Variants in CFDP1 observed in about 807,000 individuals in gnomAD.
CFDP1 encodes the protein heterochromatin-stabilizing protein CFDP1.
In CFDP1, 31 loss-of-function variants were observed where a neutral mutation model predicts 40.1. That is an observed-to-expected ratio of 0.77 (90% CI 0.58 to 1.04). CFDP1 has a LOEUF of 1.04. Among genes scored for constraint, CFDP1 ranks in the 50% least tolerant of loss-of-function variants. CFDP1 has a pLI of 0.00. For missense variants in CFDP1, 423 were observed against 343.4 expected, an observed-to-expected ratio of 1.23 and a Z score of -1.83; for synonymous variants, 167 against 120.0, an observed-to-expected ratio of 1.39 and a Z score of -2.56.
At chr16:75,305,482 C>T (rs1375822317) in intron 5 of CFDP1, 16 of 301,682 alleles carry the variant, frequency 5.3e-5, no homozygotes, top group Non-Finnish European at 1.0e-4. Flanking sequence ...AGGGGAGGAG[C>T]AGCGCTTCAG....
chr16:75,312,252 C>G (rs1408257812), intron 5 of CFDP1, among the ~76,000 whole-genome samples: 2 of 152,178 alleles, frequency 1.3e-5, no homozygotes, highest in African/African-American at 4.8e-5. Context: ...ATTCACTTCT[C>G]AACACTGTAT....
At chr16:75,316,569 T>TA (rs780200659) in intron 5 of CFDP1, among the ~76,000 whole-genome samples, 2,113 of 26,514 alleles carry the variant, frequency 0.08, 242 homozygotes, top group Non-Finnish European at 0.12. Flanking sequence ...AGACCCTGTC[T>TA]AAAAAAAAAA....
At chr16:75,344,018 C>T (rs967250840) in intron 5 of CFDP1, among the ~76,000 whole-genome samples, 1 of 152,178 alleles carries the variant, frequency 6.6e-6, no homozygotes, top group Non-Finnish European at 1.5e-5. Context: ...TTCCCCCATT[C>T]CCAAATTAAA....
intron 2 of CFDP1, among the ~76,000 whole-genome samples, chr16:75,413,271 G>A (rs763109440): frequency 3.3e-4 from 50 of 152,184 alleles, no homozygotes; most frequent in Admixed American, 7.9e-4. Flanking sequence ...CTGGAACATA[G>A]AAAAATTCAA....
At chr16:75,427,701 A>T (rs939668863) in intron 1 of CFDP1, among the ~76,000 whole-genome samples, 2 of 152,266 alleles carry the variant, frequency 1.3e-5, no homozygotes, top group South Asian at 4.1e-4. Context: ...GTAAAGTTAA[A>T]CATACACATA....
chr16:75,329,069 G>A (rs367871999), intron 5 of CFDP1, among the ~76,000 whole-genome samples: 2 of 152,020 alleles, frequency 1.3e-5, no homozygotes, highest in East Asian at 1.9e-4. Flanking sequence ...GGCTGGTCTC[G>A]AACTCCTGAC....
intron 4 of CFDP1, among the ~76,000 whole-genome samples, chr16:75,397,193 C>T (rs184530719): frequency 0.019 from 2,903 of 150,958 alleles, 66 homozygotes; most frequent in African/African-American, 0.055. Flanking sequence ...GGATTACAGG[C>T]GTGAGCCACT....
chr16:75,360,233 C>T (rs899410798), intron 5 of CFDP1, among the ~76,000 whole-genome samples: 3 of 151,338 alleles, frequency 2.0e-5, no homozygotes, highest in Non-Finnish European at 2.9e-5. Context: ...CTAAAGGAAC[C>T]AGGAACCTAG....
intron 1 of CFDP1, among the ~76,000 whole-genome samples, chr16:75,420,463 A>C (rs2079265249): frequency 6.6e-6 from 1 of 152,232 alleles, no homozygotes; most frequent in African/African-American, 2.4e-5. Context: ...CAAATCCAAG[A>C]GGTGAGACAT....
chr16:75,349,682 A>ATAT lies in CFDP1; in HGVS notation c.651-44501_651-44500insATA, dbSNP rs60815655. On this transcript the variant is annotated intron_variant, in intron 5 of 6. Transcript: ENST00000283882. ...AAAAAAAAAAAAAAAAAAAAAAAAA[A>ATAT]AAAAAAAAATATATATACATACATA... Among the ~76,000 whole-genome samples, 24 of 7,396 alleles carry ATAT rather than the reference A, an allele frequency of 3.2e-3. 2 individuals carry two copies. Among genetic ancestry groups the ATAT allele is most frequent in the Non-Finnish European group, 4.0e-3 (15 of 3,718 alleles). 4.9% of individuals were successfully genotyped at this position (7,396 alleles called of 152,430 possible).
intron 5 of CFDP1, among the ~76,000 whole-genome samples, chr16:75,339,481 T>C (rs1367195164): frequency 1.3e-5 from 2 of 152,198 alleles, no homozygotes; most frequent in Non-Finnish European, 2.9e-5. Context: ...CAGTTTGGTG[T>C]TTCTTTTATG....
intron 5 of CFDP1, among the ~76,000 whole-genome samples, chr16:75,342,826 C>T (rs1036758370): frequency 2.0e-5 from 3 of 152,116 alleles, no homozygotes; most frequent in Admixed American, 6.6e-5. Context: ...TTTTTGGTTG[C>T]CACAATCTGG....
At chr16:75,359,590 T>C (rs2078668966) in intron 5 of CFDP1, among the ~76,000 whole-genome samples, 1 of 152,134 alleles carries the variant, frequency 6.6e-6, no homozygotes, top group African/African-American at 2.4e-5. Context: ...ACTAAACCAA[T>C]CTTTCCTGAG....
chr16:75,412,498 C>T, intron 3 of CFDP1, 37 bp downstream of exon 3: 1 of 1,485,562 alleles, frequency 6.7e-7, no homozygotes, highest in East Asian at 2.3e-5. Context: ...TAGGGTATTT[C>T]TGGAGAGGCA....
intron 1 of CFDP1, 110 bp downstream of exon 1, chr16:75,433,178 GC>G: frequency 1.0e-6 from 1 of 954,008 alleles, no homozygotes; most frequent in Non-Finnish European, 1.6e-6. Flanking sequence ...GAGAACAGGA[GC>G]CCCCCTGGAC....
chr16:75,332,813 C>CTT (rs1222124619), intron 5 of CFDP1, among the ~76,000 whole-genome samples: 17 of 116,540 alleles, frequency 1.5e-4, no homozygotes, highest in South Asian at 2.7e-4. Flanking sequence ...TTTTTTTTTC[C>CTT]TTTTTTTTTT....
intron 5 of CFDP1, among the ~76,000 whole-genome samples, chr16:75,332,240 G>GGATC (rs1479753048): frequency 1.3e-5 from 2 of 152,056 alleles, no homozygotes; most frequent in African/African-American, 4.8e-5. Flanking sequence ...CGAGGTGGGC[G>GGATC]GATCACCTGA....
At chr16:75,316,054 G>C (rs1260163199) in intron 5 of CFDP1, among the ~76,000 whole-genome samples, 1 of 152,082 alleles carries the variant, frequency 6.6e-6, no homozygotes, top group Admixed American at 6.5e-5. Context: ...ATAGAATGTT[G>C]CTCATTGGAT....
intron 6 of CFDP1, among the ~76,000 whole-genome samples, chr16:75,301,361 C>T (rs2078220167): frequency 6.6e-6 from 1 of 151,942 alleles, no homozygotes; most frequent in Non-Finnish European, 1.5e-5. Context: ...AACAAGTGCT[C>T]GCATGGCTCT....
Sources: allele counts gnomAD v4.1 joint callset (sites outside exome capture counted in the v4.1 genomes callset), GRCh38; gene constraint gnomAD v4.1.1; transcripts MANE v1.5; gene names NCBI Gene and HGNC (gene_info 2026-07-23, HGNC 2026-07-21).